RBM47: variants seen among roughly 807,000 people sequenced by gnomAD.
The protein encoded by RBM47 is RNA binding motif protein 47.
RBM47 carries 21 observed loss-of-function variants against 47.1 expected under a neutral mutation model. The ratio of observed to expected loss-of-function variants is 0.45; its 90% CI spans 0.32 to 0.64. RBM47 has a LOEUF of 0.64. Among genes scored for constraint, RBM47 ranks in the 30% least tolerant of loss-of-function variants. RBM47 has a pLI of 0.05. For synonymous variants in RBM47, 375 were observed against 361.7 expected, an observed-to-expected ratio of 1.04 and a Z score of -0.42; for missense variants, 708 against 870.9, an observed-to-expected ratio of 0.81 and a Z score of 2.35.
At chr4:40,523,863 C>CAA (rs34640118) in intron 2 of RBM47, among the ~76,000 whole-genome samples, 1,839 of 133,108 alleles carry the variant, frequency 0.014, 44 homozygotes, top group African/African-American at 0.044. Flanking sequence ...AGCCCTGTCT[C>CAA]AAAAAAAAAA....
At chr4:40,602,015 A>C (rs1183093383) in intron 1 of RBM47, among the ~76,000 whole-genome samples, 2 of 152,086 alleles carry the variant, frequency 1.3e-5, no homozygotes, top group Non-Finnish European at 2.9e-5. Context: ...CTAAAAATAG[A>C]AAAATTAGCC....
intron 2 of RBM47, among the ~76,000 whole-genome samples, chr4:40,471,552 C>T (rs563033324): frequency 1.3e-5 from 2 of 152,120 alleles, no homozygotes; most frequent in South Asian, 2.1e-4. Flanking sequence ...ACAAAATTAG[C>T]CGGGTGTGGT....
intron 3 of RBM47, among the ~76,000 whole-genome samples, chr4:40,443,058 C>A (rs1309831195): frequency 6.6e-6 from 1 of 152,100 alleles, no homozygotes; most frequent in Non-Finnish European, 1.5e-5. Flanking sequence ...ATAAGCCAGA[C>A]ACAAAGGGAT....
At chr4:40,451,541 G>A (rs975277900) in intron 3 of RBM47, among the ~76,000 whole-genome samples, 2 of 152,064 alleles carry the variant, frequency 1.3e-5, no homozygotes, top group Admixed American at 6.6e-5. Flanking sequence ...GTTTTCAAAT[G>A]TCATTACTGG....
At chr4:40,576,606 C>T (rs3828530) in intron 1 of RBM47, among the ~76,000 whole-genome samples, 28,425 of 152,102 alleles carry the variant, frequency 0.19, 2,719 homozygotes, top group Admixed American at 0.25. Flanking sequence ...CTCACTCTAT[C>T]GCCCAGGCTG....
At chr4:40,512,077 C>T (rs1338509057) in intron 2 of RBM47, among the ~76,000 whole-genome samples, 1 of 152,084 alleles carries the variant, frequency 6.6e-6, no homozygotes, top group Non-Finnish European at 1.5e-5. Flanking sequence ...CAGAGTCTTT[C>T]TGTTCCTTTG....
At chr4:40,467,177 G>A (rs1230007174) in intron 2 of RBM47, among the ~76,000 whole-genome samples, 1 of 152,096 alleles carries the variant, frequency 6.6e-6, no homozygotes, top group African/African-American at 2.4e-5. Flanking sequence ...AACTCTTCCT[G>A]CAGGGTCCAG....
intron 1 of RBM47, among the ~76,000 whole-genome samples, chr4:40,593,189 G>A (rs556273301): frequency 4.0e-5 from 6 of 148,948 alleles, no homozygotes; most frequent in Admixed American, 6.7e-5. Flanking sequence ...TAGTAGAGAC[G>A]GGGTTTCACC....
intron 1 of RBM47, among the ~76,000 whole-genome samples, chr4:40,546,661 T>C (rs889118595): frequency 1.3e-5 from 2 of 152,216 alleles, no homozygotes; most frequent in African/African-American, 4.8e-5. Context: ...TAACTAAGGT[T>C]GAGCTTCTGA....
intron 2 of RBM47, among the ~76,000 whole-genome samples, chr4:40,470,979 G>C (rs938347744): frequency 6.6e-6 from 1 of 152,162 alleles, no homozygotes; most frequent in African/African-American, 2.4e-5. Context: ...CTGACCTCAA[G>C]TGATCTGCCC....
chr4:40,434,487 T>C (rs1711968237), intron 5 of RBM47, among the ~76,000 whole-genome samples: 1 of 152,132 alleles, frequency 6.6e-6, no homozygotes, highest in Admixed American at 6.5e-5. Flanking sequence ...TATTTAACAG[T>C]TCTTTTCTCT....
At chr4:40,468,208 A>G (rs892223902) in intron 2 of RBM47, among the ~76,000 whole-genome samples, 1 of 152,108 alleles carries the variant, frequency 6.6e-6, no homozygotes, top group African/African-American at 2.4e-5. Context: ...AATCACTTGA[A>G]CCTGGGATGC....
intron 2 of RBM47, among the ~76,000 whole-genome samples, chr4:40,526,432 T>A (rs1726715289): frequency 6.6e-6 from 1 of 151,820 alleles, no homozygotes; most frequent in Non-Finnish European, 1.5e-5. Flanking sequence ...AATGGTTGGG[T>A]CTGTACAAGA....
intron 5 of RBM47, among the ~76,000 whole-genome samples, chr4:40,435,104 A>G (rs1417703483): frequency 6.6e-6 from 1 of 152,198 alleles, no homozygotes; most frequent in Non-Finnish European, 1.5e-5. Flanking sequence ...CACTAATGAC[A>G]TTAATAAACA....
At chr4:40,501,846 A>G (rs1394715464) in intron 2 of RBM47, among the ~76,000 whole-genome samples, 3 of 152,248 alleles carry the variant, frequency 2.0e-5, no homozygotes, top group Non-Finnish European at 4.4e-5. Flanking sequence ...TTTTCTCAAG[A>G]GTCAACAGAT....
chr4:40,573,807 A>AAAAGAAAGAAAGAAAAGAAAG (rs1732013594), intron 1 of RBM47, among the ~76,000 whole-genome samples: 3 of 136,662 alleles, frequency 2.2e-5, no homozygotes, highest in African/African-American at 9.1e-5. Context: ...GAAAGAAAGA[A>AAAAGAAAGAAAGAAAAGAAAG]AAAGAAAGAA....
At chr4:40,599,472 CTT>C (rs1261157630) in intron 1 of RBM47, among the ~76,000 whole-genome samples, 2 of 152,116 alleles carry the variant, frequency 1.3e-5, no homozygotes, top group African/African-American at 4.8e-5. Context: ...GGGATCCACT[CTT>C]TCTCCACTTG....
chr4:40,477,010 G>A (rs1719710491), intron 2 of RBM47, among the ~76,000 whole-genome samples: 1 of 152,084 alleles, frequency 6.6e-6, no homozygotes, highest in African/African-American at 2.4e-5. Context: ...GGAGGCGGGT[G>A]GATCACTTGA....
At position 40,436,577 on chromosome 4, in the gene RBM47, G is replaced by C; in HGVS notation, c.1194C>G (p.Leu398=). The change falls in exon 5 of 7, where the codon CTC becomes CTG. Residue 398 remains leucine (L), a synonymous_variant. Coordinates refer to ENST00000295971, the MANE Select transcript of RBM47 (RefSeq NM_001098634.2). ...NRAPGPRGSY[L]GGYSAGRGIY... is the part of the protein sequence containing the mutation. Reference sequence around the variant, plus strand: ...TACCACGACCAGCAGAATATCCCCCGAGGTAGGAACCCCTAGGCCCTGGGG... The same window carrying C: ...TACCACGACCAGCAGAATATCCCCCCAGGTAGGAACCCCTAGGCCCTGGGG... The C allele has an allele frequency of 1.2e-6, 2 of 1,614,130 alleles. No homozygotes were observed. Among genetic ancestry groups the C allele is most frequent in the Non-Finnish European group, 1.7e-6 (2 of 1,180,024 alleles).
Sources: allele counts gnomAD v4.1 joint callset (sites outside exome capture counted in the v4.1 genomes callset), GRCh38; gene constraint gnomAD v4.1.1; transcripts MANE v1.5; gene names NCBI Gene and HGNC (gene_info 2026-07-23, HGNC 2026-07-21).